XRN1: variants seen among roughly 807,000 people sequenced by gnomAD.
XRN1 encodes the protein strand-exchange protein 1 homolog.
XRN1 carries 67 observed loss-of-function variants against 222.3 expected under a neutral mutation model. The observed-to-expected ratio is 0.30, with a 90% CI of 0.25 to 0.37. The LOEUF is 0.37. Among genes scored for constraint, XRN1 ranks in the 10% least tolerant of loss-of-function variants. The pLI is 1.00. For synonymous variants in XRN1, 643 were observed against 652.4 expected, an observed-to-expected ratio of 0.99 and a Z score of 0.22; for missense variants, 1,707 against 2,000.2, an observed-to-expected ratio of 0.85 and a Z score of 2.80.
Position 142,340,457 on chromosome 3 carries a change from G to C in XRN1, c.3878-4948C>G, listed in dbSNP as rs1053879066. Among the ~76,000 whole-genome samples the C allele has an allele frequency of 3.3e-5, 5 of 151,126 alleles. No homozygotes were observed. In the Admixed American group the frequency reaches 3.3e-4, roughly 10 times the overall value. ...AACAGCCTCAAAAGGGCAAATCTAA[G>C]ATTATTAGCCTTAAAGAGAAGGTAG... is the stretch of plus-strand genomic sequence containing the variant. On this transcript the variant is annotated intron_variant, in intron 33 of 40. Coordinates refer to ENST00000392981, the MANE Select transcript of XRN1 (RefSeq NM_001282857.2).
At chr3:142,334,809 C>T (rs1405884163) in intron 34 of XRN1, among the ~76,000 whole-genome samples, 1 of 138,696 alleles carries the variant, frequency 7.2e-6, no homozygotes, top group African/African-American at 2.8e-5. Context: ...CACAAAAGAC[C>T]ATATATATTG....
At chr3:142,375,709 T>C in intron 25 of XRN1, 89 bp downstream of exon 25, 2 of 1,265,228 alleles carry the variant, frequency 1.6e-6, no homozygotes, top group Non-Finnish European at 2.1e-6. Flanking sequence ...TGGAAATATT[T>C]GTCCTCTAAA....
Position 142,356,768 on chromosome 3 carries a change from A to G in XRN1, c.3672+144T>C, listed in dbSNP as rs1305566060. 14 of 718,964 alleles carry G rather than the reference A, an allele frequency of 1.9e-5. 1 individual carries two copies. The South Asian group carries it at 2.7e-4, about 14-fold the overall frequency. 44.5% of individuals were successfully genotyped at this position (718,964 alleles called of 1,614,324 possible). A position where few individuals can be genotyped will look rare whatever the true frequency, so the allele number is the denominator to read the frequency against. On this transcript the variant is annotated intron_variant, in intron 31 of 40. Coordinates refer to ENST00000392981, the MANE Select transcript of XRN1 (RefSeq NM_001282857.2). ...CAATAGCATTCTTTATTAGCCTAGT[A>G]TCTTAAATTTGGAATTGACCTGAGC...
intron 34 of XRN1, 21 bp downstream of exon 34, chr3:142,335,426 AT>A (rs1399386369): frequency 6.2e-7 from 1 of 1,611,912 alleles, no homozygotes; most frequent in African/African-American, 1.3e-5. Context: ...GTAACTAGAA[AT>A]TTGATTTTAA....
intron 1 of XRN1, among the ~76,000 whole-genome samples, chr3:142,442,909 A>G (rs964875325): frequency 1.1e-4 from 16 of 151,896 alleles, no homozygotes; most frequent in African/African-American, 3.9e-4. Flanking sequence ...AATTTTTTGT[A>G]TTTTTAGTAG....
intron 20 of XRN1, among the ~76,000 whole-genome samples, chr3:142,392,398 T>C (rs1477687359): frequency 6.6e-6 from 1 of 152,086 alleles, no homozygotes; most frequent in African/African-American, 2.4e-5. Context: ...TACATATGTA[T>C]ACATATGCCA....
At chr3:142,313,063 A>G in intron 39 of XRN1, 1 of 1,507,060 alleles carries the variant, frequency 6.6e-7, no homozygotes, top group Non-Finnish European at 9.0e-7. Flanking sequence ...TATAAAAAAA[A>G]TAAAAGGGTC....
At chr3:142,441,710 G>T (rs2070221835) in intron 1 of XRN1, among the ~76,000 whole-genome samples, 1 of 152,196 alleles carries the variant, frequency 6.6e-6, no homozygotes, top group Non-Finnish European at 1.5e-5. Context: ...TAAATATCAG[G>T]CTCTATTACT....
At chr3:142,329,051 A>G (rs2065614797) in intron 37 of XRN1, among the ~76,000 whole-genome samples, 1 of 151,802 alleles carries the variant, frequency 6.6e-6, no homozygotes, top group Non-Finnish European at 1.5e-5. Flanking sequence ...ACCCATTACA[A>G]CTGGCCAATT....
At position 142,318,805 on chromosome 3, in the gene XRN1, A is replaced by G; in HGVS notation, c.4503T>C (p.Phe1501=). ...ENEAKEKAAL[F]ALQQLGSLGM... ...CAGTTCTTACCAACTGTTGTAAAGC[A>G]AAAAGTGCAGCTTTCTCTTTGGCTT... The change falls in exon 38 of 41, where the codon TTT becomes TTC. Residue 1501 remains phenylalanine (F), a synonymous_variant. Transcript: ENST00000392981. 1 of 1,613,996 alleles carries G rather than the reference A, an allele frequency of 6.2e-7. No individual in the cohort carries two copies. The highest frequency in any genetic ancestry group is 8.5e-7 in the Non-Finnish European group (1 of 1,179,910).
At chr3:142,341,157 G>T (rs2065981795) in intron 33 of XRN1, among the ~76,000 whole-genome samples, 3 of 152,148 alleles carry the variant, frequency 2.0e-5, no homozygotes, top group Admixed American at 6.5e-5. Context: ...GCAGGAGGAT[G>T]AAGTTAAATT....
Position 142,422,828 on chromosome 3 carries a change from T to A in XRN1, c.798+7A>T, listed in dbSNP as rs758335914. On this transcript the variant is annotated splice_region_variant and intron_variant, in intron 7 of 40. Transcript: ENST00000392981. ...AATCCTTGGTCCATGGCTTTATTAA[T>A]ACTTACTTTTAATACTGAAAACTCA... The A allele has an allele frequency of 1.2e-6, 2 of 1,602,678 alleles. No individual in the cohort carries two copies. The highest frequency in any genetic ancestry group is 1.7e-6 in the Non-Finnish European group (2 of 1,172,164).
In XRN1 at chr3:142,310,938, T is replaced by C. The variant is rs937138753; in HGVS notation, c.*573A>G. 1.3e-5 allele frequency: 2 copies of C among 152,600 alleles called. No homozygotes were observed. The highest frequency in any genetic ancestry group is 4.8e-5 in the African/African-American group (2 of 41,440). 9.5% of individuals were successfully genotyped at this position (152,600 alleles called of 1,614,324 possible). ...AAAACTGGCAGCACCACAACAAATG[T>C]GATCCTTTCACAGCAGGTCTAAAGA... On this transcript the variant is annotated 3_prime_UTR_variant, in exon 41 of 41. Transcript: ENST00000392981.
At chr3:142,357,804 G>C (rs1387905501) in intron 30 of XRN1, among the ~76,000 whole-genome samples, 1 of 152,068 alleles carries the variant, frequency 6.6e-6, no homozygotes, top group Non-Finnish European at 1.5e-5. Flanking sequence ...GGGAGGCCGA[G>C]GCAGGTCGAT....
rs749687528 is a variant in XRN1, at chr3:142,432,452, C to G, written c.308+209G>C. On this transcript the variant is annotated intron_variant, in intron 2 of 40. Coordinates refer to ENST00000392981, the MANE Select transcript of XRN1 (RefSeq NM_001282857.2). ...CAAACAAACAAACGAACAAGAGAAC[C>G]TCCAACATATGTTTTGAGAAAGGAC... 3.4e-4 allele frequency among the ~76,000 whole-genome samples: 51 copies of G among 150,908 alleles called. 1 individual carries two copies. Among genetic ancestry groups the G allele is most frequent in the Admixed American group, 1.2e-3 (18 of 15,084 alleles).
chr3:142,315,308 TTTTGG>T, intron 39 of XRN1, among the ~76,000 whole-genome samples: 1 of 152,054 alleles, frequency 6.6e-6, no homozygotes. Flanking sequence ...CAATGTTTTG[TTTTGG>T]TTTGGTTTGG....
At chr3:142,419,589 T>C (rs1440687508) in intron 10 of XRN1, among the ~76,000 whole-genome samples, 1 of 152,070 alleles carries the variant, frequency 6.6e-6, no homozygotes, top group Non-Finnish European at 1.5e-5. Context: ...GGTGGGCAGA[T>C]CACGAGGTCA....
intron 20 of XRN1, among the ~76,000 whole-genome samples, chr3:142,391,748 A>AT (rs1559843324): frequency 6.5e-3 from 346 of 52,894 alleles, no homozygotes; most frequent in Middle Eastern, 0.013. Flanking sequence ...AAAAAAAAAA[A>AT]AATATATATA....
chr3:142,412,324 T>A (rs899453231), intron 15 of XRN1, among the ~76,000 whole-genome samples: 1 of 152,202 alleles, frequency 6.6e-6, no homozygotes, highest in South Asian at 2.1e-4. Context: ...CCGGTAATAT[T>A]ACTCCTTGTT....
Sources: gnomAD v4.1 joint callset for allele counts (sites outside exome capture counted in the v4.1 genomes callset) on GRCh38, gnomAD v4.1.1 for gene constraint, MANE v1.5 for transcripts, NCBI Gene and HGNC (gene_info 2026-07-23, HGNC 2026-07-21) for gene names.